The following LHFPL4 variants were observed in gnomAD, a reference collection of about 807,000 sequenced individuals.
LHFPL4 encodes the protein LHFPL tetraspan subfamily member 4.
LHFPL4 carries 6 observed loss-of-function variants against 20.0 expected under a neutral mutation model. That is an observed-to-expected ratio of 0.30 (90% CI 0.16 to 0.59). The LOEUF is 0.59. Ranked by LOEUF, LHFPL4 falls within the 20% of genes least tolerant of loss-of-function variation. LHFPL4 has a pLI of 0.88. For missense variants in LHFPL4, 215 were observed against 331.2 expected, an observed-to-expected ratio of 0.65 and a Z score of 2.72; for synonymous variants, 129 against 143.8, an observed-to-expected ratio of 0.90 and a Z score of 0.74.
At chr3:9,531,507 A>G (rs2125663007) in intron 2 of LHFPL4, among the ~76,000 whole-genome samples, 1 of 152,306 alleles carries the variant, frequency 6.6e-6, no homozygotes, top group East Asian at 1.9e-4. Context: ...AGAGCTTTTA[A>G]GAAATAAGAA....
At position 9,543,799 on chromosome 3, in the gene LHFPL4, C is replaced by T. The variant is rs537762092; in HGVS notation, c.406+8475G>A. ...AGGCTGGAGTGCAGTGGCACAATCA[C>T]GGCTCAGTGCGGCCTTGACCTCTCT... is the stretch of plus-strand genomic sequence containing the variant. On this transcript the variant is annotated intron_variant, in intron 2 of 3. Transcript: ENST00000287585. Among the ~76,000 whole-genome samples the T allele has an allele frequency of 2.9e-5, 4 of 136,896 alleles. No homozygotes were observed. The South Asian group carries it at 1.0e-3, about 34-fold the overall frequency. 89.8% of individuals were successfully genotyped at this position (136,896 alleles called of 152,430 possible).
chr3:9,525,849 A>G (rs1371597076), intron 2 of LHFPL4, among the ~76,000 whole-genome samples: 1 of 152,222 alleles, frequency 6.6e-6, no homozygotes, highest in Non-Finnish European at 1.5e-5. Flanking sequence ...CCTCATTTTT[A>G]TATGTTATGA....
chr3:9,529,320 C>T (rs889359524), intron 2 of LHFPL4, among the ~76,000 whole-genome samples: 2 of 152,184 alleles, frequency 1.3e-5, no homozygotes, highest in Admixed American at 6.5e-5. Context: ...AGCCACCGCG[C>T]CCGGCCATGA....
In LHFPL4 at chr3:9,552,536, G is replaced by A; in HGVS notation, c.144C>T (p.Gly48=). 1 of 1,613,814 alleles carries A rather than the reference G, an allele frequency of 6.2e-7. No homozygotes were observed. Among genetic ancestry groups the A allele is most frequent in the Non-Finnish European group, 8.5e-7 (1 of 1,179,934 alleles). ...CAGGCTTGGGGGTGCTCACGCTGTC[G>A]CCCACCCAGTAGGGCTGGATGAAGA... is the stretch of plus-strand genomic sequence containing the variant. ...VVVFIQPYWV[G]DSVSTPKPGY... is the part of the protein sequence containing the mutation. Residue 48 remains glycine (G), a synonymous_variant, in exon 2 of 4, where the codon GGC becomes GGT. Transcript: ENST00000287585.
At chr3:9,512,132 AG>A (rs759269775) in intron 2 of LHFPL4, among the ~76,000 whole-genome samples, 4 of 152,080 alleles carry the variant, frequency 2.6e-5, no homozygotes, top group Non-Finnish European at 5.9e-5. Flanking sequence ...CGGGGTTTCA[AG>A]TGTTAGCCAG....
At chr3:9,546,326 AAAG>A (rs1210598789) in intron 2 of LHFPL4, among the ~76,000 whole-genome samples, 2 of 151,408 alleles carry the variant, frequency 1.3e-5, no homozygotes, top group Non-Finnish European at 2.9e-5. Flanking sequence ...AAAAAAAAAA[AAAG>A]AAAAAGAAAA....
chr3:9,510,210 G>A (rs2046248416), intron 2 of LHFPL4, among the ~76,000 whole-genome samples: 2 of 152,016 alleles, frequency 1.3e-5, no homozygotes, highest in South Asian at 4.2e-4. Context: ...CAGTACTTTG[G>A]GAGGCCGAGG....
intron 2 of LHFPL4, among the ~76,000 whole-genome samples, chr3:9,528,821 G>C (rs561271364): frequency 6.6e-6 from 1 of 151,920 alleles, no homozygotes; most frequent in Admixed American, 6.6e-5. Context: ...CACCGTGTTA[G>C]CCAGGCTCGT....
At chr3:9,535,825 G>T in intron 2 of LHFPL4, among the ~76,000 whole-genome samples, 1 of 152,146 alleles carries the variant, frequency 6.6e-6, no homozygotes, top group East Asian at 1.9e-4. Context: ...TTTTGAGATA[G>T]GGTCTCACTC....
intron 2 of LHFPL4, among the ~76,000 whole-genome samples, chr3:9,533,633 T>C (rs936840253): frequency 1.3e-5 from 2 of 151,820 alleles, no homozygotes; most frequent in Non-Finnish European, 2.9e-5. Context: ...ATACACAAAA[T>C]TAGCTGGGTG....
At chr3:9,513,888 G>A (rs918579647) in intron 2 of LHFPL4, among the ~76,000 whole-genome samples, 1 of 152,072 alleles carries the variant, frequency 6.6e-6, no homozygotes, top group Non-Finnish European at 1.5e-5. Context: ...GGGGTGTGAG[G>A]GTGGCACGTG....
chr3:9,513,870 T>C (rs6807946), intron 2 of LHFPL4, among the ~76,000 whole-genome samples: 23,174 of 152,156 alleles, frequency 0.15, 2,802 homozygotes, highest in East Asian at 0.4. Flanking sequence ...GACATCTCCA[T>C]TGGTTTTGGG....
At position 9,498,864 on chromosome 3, in the gene LHFPL4, T is replaced by C. The variant is rs2125652945; in HGVS notation, c.*3347A>G. The C allele has an allele frequency of 6.5e-6, 1 of 152,808 alleles. No individual in the cohort carries two copies. The highest frequency in any genetic ancestry group is 1.9e-4 in the East Asian group (1 of 5,186). The allele number at this position is 152,808 out of a possible 1,614,324, so 9.5% of individuals were successfully genotyped here. ...AGGCCTGAAAAGGATCTTGATTCTTTGGTCCTCACCCCCTCAGGAAAGTTT... is the reference window on the plus strand; with the variant it reads ...AGGCCTGAAAAGGATCTTGATTCTTCGGTCCTCACCCCCTCAGGAAAGTTT... On this transcript the variant is annotated 3_prime_UTR_variant, in exon 4 of 4. Transcript: ENST00000287585.
chr3:9,527,412 AAAT>A (rs1248311312), intron 2 of LHFPL4, among the ~76,000 whole-genome samples: 26 of 152,084 alleles, frequency 1.7e-4, no homozygotes, highest in Non-Finnish European at 3.7e-4. Flanking sequence ...CTACTAAAAA[AAAT>A]AATAATAATA....
At chr3:9,504,981 C>A (rs771265326) in intron 3 of LHFPL4, among the ~76,000 whole-genome samples, 2 of 151,748 alleles carry the variant, frequency 1.3e-5, no homozygotes, top group Non-Finnish European at 2.9e-5. Context: ...TGAGATACAT[C>A]CACTGTGGTA....
chr3:9,549,740 G>T (rs1172546966), intron 2 of LHFPL4, among the ~76,000 whole-genome samples: 1 of 151,930 alleles, frequency 6.6e-6, no homozygotes, highest in Non-Finnish European at 1.5e-5. Context: ...TCATATGAGA[G>T]GCACTTTAAT....
chr3:9,508,849 C>T (rs530793591), intron 2 of LHFPL4, among the ~76,000 whole-genome samples: 133 of 152,290 alleles, frequency 8.7e-4, no homozygotes, highest in Non-Finnish European at 1.7e-3. Context: ...CAGGCGGGTG[C>T]GCTCCTGCCT....
At chr3:9,519,479 G>C (rs901058604) in intron 2 of LHFPL4, among the ~76,000 whole-genome samples, 2 of 152,104 alleles carry the variant, frequency 1.3e-5, no homozygotes, top group Non-Finnish European at 2.9e-5. Context: ...AAATAACTTT[G>C]GTTTTGTCGA....
chr3:9,553,246 G>C (rs1256302914), intron 1 of LHFPL4, among the ~76,000 whole-genome samples: 1 of 151,340 alleles, frequency 6.6e-6, no homozygotes, highest in Non-Finnish European at 1.5e-5. Context: ...GGGGAAGAGG[G>C]AATTTAAGAG....
Sources: gnomAD v4.1 joint callset for allele counts (sites outside exome capture counted in the v4.1 genomes callset) on GRCh38, gnomAD v4.1.1 for gene constraint, MANE v1.5 for transcripts, NCBI Gene and HGNC (gene_info 2026-07-23, HGNC 2026-07-21) for gene names.